Variants in NBEAL1 observed in about 807,000 individuals in gnomAD.
NBEAL1 encodes neurobeachin-like protein 1.
In NBEAL1, 273 loss-of-function variants were observed where a neutral mutation model predicts 351.3. The ratio of observed to expected loss-of-function variants is 0.78; its 90% CI spans 0.70 to 0.86. The LOEUF (loss-of-function observed/expected upper bound fraction) is 0.86. Among genes scored for constraint, NBEAL1 ranks in the 40% least tolerant of loss-of-function variants. NBEAL1 has a pLI of 0.00. For synonymous variants in NBEAL1, 1,050 were observed against 1,086.4 expected, an observed-to-expected ratio of 0.97 and a Z score of 0.66; for missense variants, 2,961 against 3,201.3, an observed-to-expected ratio of 0.92 and a Z score of 1.81.
intron 24 of NBEAL1, among the ~76,000 whole-genome samples, chr2:203,128,738 C>T (rs1401678993): frequency 1.3e-5 from 2 of 151,790 alleles, no homozygotes; most frequent in East Asian, 1.9e-4. Context: ...GCTGGGACTA[C>T]AGGCACGCAG....
At position 203,145,162 on chromosome 2, in the gene NBEAL1, T is replaced by C; in HGVS notation, c.5304+2T>C. 6.2e-7 allele frequency: 1 copy of C among 1,602,830 alleles called. No homozygotes were observed. Among genetic ancestry groups the C allele is most frequent in the Non-Finnish European group, 8.5e-7 (1 of 1,176,688 alleles). On this transcript the variant is annotated splice_donor_variant, in intron 33 of 55. Transcript: ENST00000683969. LOFTEE classifies it high-confidence loss of function. ...GGGGAAAGCAAGCTCAAATTTCAGG[T>C]AAAAAGTAAATGTTTTAATATCTAG... is the stretch of plus-strand genomic sequence containing the variant.
At chr2:203,127,193 C>T (rs570773719) in intron 23 of NBEAL1, among the ~76,000 whole-genome samples, 22 of 152,272 alleles carry the variant, frequency 1.4e-4, no homozygotes, top group African/African-American at 5.3e-4. Context: ...GATAAGAAAA[C>T]TGTTACCTCC....
chr2:203,040,472 A>T (rs2061122456), intron 2 of NBEAL1: 1 of 697,428 alleles, frequency 1.4e-6, no homozygotes, highest in Non-Finnish European at 2.6e-6. Flanking sequence ...GTCTTTGTAA[A>T]AGTCAACCCC....
Position 203,136,660 on chromosome 2 carries a change from G to T in NBEAL1, c.4451G>T (p.Gly1484Val). The change falls in exon 29 of 56, where the codon GGA becomes GTA. Residue 1484 changes from glycine to valine, a missense_variant. Gly to Val is a moderately radical substitution (Grantham distance 109, BLOSUM62 -3). Transcript: ENST00000683969. ...ATTTTGAATTATGTAATGTGTAAGG[G>T]ACTAGAAAAGTCTGATGATGATACT... ...THILNYVMCK[G>V]LEKSDDDTWI... 6 of 1,613,514 alleles carry T rather than the reference G, an allele frequency of 3.7e-6. No homozygotes were observed. The highest frequency in any genetic ancestry group is 1.1e-5 in the South Asian group (1 of 91,044).
chr2:203,157,293 A>G (rs1421851803), intron 35 of NBEAL1, among the ~76,000 whole-genome samples: 2 of 152,120 alleles, frequency 1.3e-5, no homozygotes, highest in African/African-American at 2.4e-5. Flanking sequence ...ATTAAAGACA[A>G]TTTGTCATAT....
chr2:203,218,991 C>T lies in NBEAL1; in HGVS notation c.*1637C>T, dbSNP rs559069024. On this transcript the variant is annotated 3_prime_UTR_variant, in exon 56 of 56. Transcript: ENST00000683969. ...GTCAAGGTGTCTTTTCTTAAGACTTCAGGAATTTGTATTGAACAAAGTCTC... is the reference window on the plus strand; with the variant it reads ...GTCAAGGTGTCTTTTCTTAAGACTTTAGGAATTTGTATTGAACAAAGTCTC... 5.9e-5 allele frequency: 9 copies of T among 152,216 alleles called. No homozygotes were observed. The highest frequency in any genetic ancestry group is 1.9e-4 in the African/African-American group (8 of 41,558). 9.4% of individuals were successfully genotyped at this position (152,216 alleles called of 1,614,324 possible).
At chr2:203,030,096 A>C (rs529782539) in intron 2 of NBEAL1, among the ~76,000 whole-genome samples, 4 of 152,348 alleles carry the variant, frequency 2.6e-5, no homozygotes, top group African/African-American at 9.6e-5. Flanking sequence ...TGTTCCAGGC[A>C]AGTGTAAGGC....
chr2:203,115,801 C>T (rs1354531479), intron 17 of NBEAL1, among the ~76,000 whole-genome samples, 184 bp from the exon 18 acceptor site: 1 of 152,068 alleles, frequency 6.6e-6, no homozygotes, highest in Non-Finnish European at 1.5e-5. Context: ...TGATTTATTT[C>T]CCAATTTTTG....
intron 7 of NBEAL1, among the ~76,000 whole-genome samples, chr2:203,072,927 A>G (rs1275714091): frequency 6.6e-6 from 1 of 152,194 alleles, no homozygotes; most frequent in Non-Finnish European, 1.5e-5. Flanking sequence ...TGGTGGCTCA[A>G]ACAACAATAC....
chr2:203,081,686 A>T (rs1029251581), intron 8 of NBEAL1, among the ~76,000 whole-genome samples: 1 of 152,214 alleles, frequency 6.6e-6, no homozygotes, highest in East Asian at 1.9e-4. Flanking sequence ...TGTCATGCTT[A>T]CTATTCTATT....
At chr2:203,179,737 A>G (rs2064642556) in intron 42 of NBEAL1, among the ~76,000 whole-genome samples, 1 of 152,182 alleles carries the variant, frequency 6.6e-6, no homozygotes, top group Non-Finnish European at 1.5e-5. Context: ...ATTTTCAAAT[A>G]TTGAAATAAC....
intron 18 of NBEAL1, among the ~76,000 whole-genome samples, chr2:203,117,405 T>C (rs555132226): frequency 2.7e-5 from 4 of 146,890 alleles, no homozygotes; most frequent in Non-Finnish European, 6.0e-5. Flanking sequence ...GGAGCTTGCA[T>C]TGAGCCGAGA....
intron 38 of NBEAL1, among the ~76,000 whole-genome samples, chr2:203,169,044 C>T (rs1051920177): frequency 2.6e-5 from 4 of 151,680 alleles, no homozygotes; most frequent in Admixed American, 6.6e-5. Context: ...AATTTATTTG[C>T]CAAGATGATT....
intron 6 of NBEAL1, among the ~76,000 whole-genome samples, chr2:203,063,331 C>G (rs1408325775): frequency 6.6e-6 from 1 of 151,324 alleles, no homozygotes; most frequent in Non-Finnish European, 1.5e-5. Context: ...GCCTCTAGTT[C>G]TGAGTACTTG....
rs528993565 is a variant in NBEAL1 at position 203,107,747 on chromosome 2, G to A, written c.1508G>A (p.Cys503Tyr). 1 of 1,554,012 alleles carries A rather than the reference G, an allele frequency of 6.4e-7. No individual in the cohort carries two copies. Among genetic ancestry groups the A allele is most frequent in the Non-Finnish European group, 8.7e-7 (1 of 1,147,584 alleles). ...IFISDWLKRI[C>Y]CINRQSRTTC... ...ATCTCTGATTGGCTGAAAAGAATTT[G>A]TTGTATTAATAGACAGAGTCGAACT... Residue 503 changes from cysteine (C) to tyrosine (Y), a missense_variant, in exon 14 of 56, where the codon TGT becomes TAT. Coordinates refer to ENST00000683969, the MANE Select transcript of NBEAL1 (RefSeq NM_001378026.1).
intron 53 of NBEAL1, 87 bp downstream of exon 53, chr2:203,209,409 A>T: frequency 1.0e-6 from 1 of 965,232 alleles, no homozygotes; most frequent in Non-Finnish European, 1.5e-6. Context: ...TTGAAGAAGG[A>T]AAGAACACCA....
chr2:203,036,261 G>A (rs1204407600), intron 2 of NBEAL1, among the ~76,000 whole-genome samples: 1 of 149,142 alleles, frequency 6.7e-6, no homozygotes, highest in Admixed American at 6.7e-5. Flanking sequence ...TATGGCCTTT[G>A]GCAGTAAAAT....
rs140473940 is a variant in NBEAL1, at chr2:203,172,810, A to G, written c.6280A>G (p.Ile2094Val). ...TGTATTTCGAGATCTTTCCAAACCA[A>G]TTGGGGTAGTTAATGAAAAAAACGC... Reference protein sequence around the residue: ...PAVFRDLSKPIGVVNEKNAKA... With the variant: ...PAVFRDLSKPVGVVNEKNAKA... Residue 2094 changes from isoleucine (I) to valine (V), a missense_variant, in exon 41 of 56, where the codon ATT becomes GTT. Transcript: ENST00000683969. 2.7e-3 allele frequency: 4,372 copies of G among 1,611,412 alleles called. 6 individuals carry two copies. Among genetic ancestry groups the G allele is most frequent in the Non-Finnish European group, 2.8e-3 (3,309 of 1,178,564 alleles).
chr2:203,166,080 G>A lies in NBEAL1; in HGVS notation c.5715-69G>A. ...AAAAAAAGAGATTATATTTAAATGTGGCATTCTTTTCTATTTAAGAAAAAT... is the reference window on the plus strand; with the variant it reads ...AAAAAAAGAGATTATATTTAAATGTAGCATTCTTTTCTATTTAAGAAAAAT... On this transcript the variant is annotated intron_variant, in intron 36 of 55. Transcript: ENST00000683969. 4.5e-6 allele frequency: 6 copies of A among 1,321,778 alleles called. No homozygotes were observed. The South Asian group carries it at 9.4e-5, about 21-fold the overall frequency. 81.9% of individuals were successfully genotyped at this position (1,321,778 alleles called of 1,614,324 possible). A position where few individuals can be genotyped will look rare whatever the true frequency, so the allele number is the denominator to read the frequency against.
Sources: gnomAD v4.1 joint callset for allele counts (sites outside exome capture counted in the v4.1 genomes callset) on GRCh38, gnomAD v4.1.1 for gene constraint, MANE v1.5 for transcripts, NCBI Gene and HGNC (gene_info 2026-07-23, HGNC 2026-07-21) for gene names.